TMEM131: variants seen among roughly 807,000 people sequenced by gnomAD.
The protein encoded by TMEM131 is 2610524E03Rik.
TMEM131 carries 66 observed loss-of-function variants against 211.6 expected under a neutral mutation model. That is an observed-to-expected ratio of 0.31 (90% CI 0.26 to 0.38). The LOEUF (loss-of-function observed/expected upper bound fraction) is 0.38. Among genes scored for constraint, TMEM131 ranks in the 10% least tolerant of loss-of-function variants. The probability of loss-of-function intolerance (pLI) is 1.00; values close to 1 mark genes in which losing one functional copy is unlikely to be tolerated. For missense variants in TMEM131, 2,036 were observed against 2,299.3 expected (o/e 0.89, Z 2.34); for synonymous variants, 844 against 841.3 (o/e 1.00, Z -0.06).
intron 3 of TMEM131, among the ~76,000 whole-genome samples, chr2:97,892,417 G>C (rs554230704): frequency 1.9e-4 from 29 of 152,188 alleles, no homozygotes; most frequent in African/African-American, 7.0e-4. Flanking sequence ...AGTGTAGTTA[G>C]TGGTCCAATC....
chr2:97,876,690 T>G (rs896504369), intron 4 of TMEM131, among the ~76,000 whole-genome samples: 52 of 152,154 alleles, frequency 3.4e-4, no homozygotes, highest in African/African-American at 9.2e-4. Context: ...TAGGTATTGA[T>G]GGAACATATC....
At chr2:97,838,109 G>A (rs1838797) in intron 7 of TMEM131, among the ~76,000 whole-genome samples, 2 of 151,920 alleles carry the variant, frequency 1.3e-5, no homozygotes, top group African/African-American at 2.4e-5. Flanking sequence ...CACATTAATG[G>A]GACATTTGAG....
intron 31 of TMEM131, among the ~76,000 whole-genome samples, chr2:97,784,899 A>G (rs1479779469): frequency 6.6e-6 from 1 of 152,142 alleles, no homozygotes; most frequent in Non-Finnish European, 1.5e-5. Context: ...ACTAAAAAAG[A>G]CACAAATTAC....
chr2:97,940,680 C>T (rs1192236141), intron 1 of TMEM131, among the ~76,000 whole-genome samples: 8 of 151,896 alleles, frequency 5.3e-5, no homozygotes, highest in South Asian at 4.2e-4. Flanking sequence ...TGGTGGCAGG[C>T]GCCTGTTAGT....
chr2:97,935,355 GGCTACACA>G (rs951404955), intron 1 of TMEM131, among the ~76,000 whole-genome samples: 3 of 152,122 alleles, frequency 2.0e-5, no homozygotes, highest in Non-Finnish European at 4.4e-5. Context: ...ACCAGGTACA[GGCTACACA>G]GGATCTCTCT....
intron 11 of TMEM131, among the ~76,000 whole-genome samples, chr2:97,824,016 C>A (rs181824978): frequency 6.6e-6 from 1 of 152,272 alleles, no homozygotes; most frequent in East Asian, 1.9e-4. Context: ...CAGAGAAAGG[C>A]CACAGCCTTA....
chr2:97,944,687 G>A (rs543204163), intron 1 of TMEM131, among the ~76,000 whole-genome samples: 2 of 152,080 alleles, frequency 1.3e-5, no homozygotes, highest in East Asian at 1.9e-4. Context: ...ATACATAAAC[G>A]GACAATAATA....
chr2:97,873,768 A>G (rs964742796), intron 4 of TMEM131, among the ~76,000 whole-genome samples: 6 of 152,210 alleles, frequency 3.9e-5, no homozygotes, highest in Admixed American at 2.0e-4. Context: ...ATGGGGATAA[A>G]CCAGCACAAA....
chr2:97,860,162 T>C (rs745884097), intron 4 of TMEM131, among the ~76,000 whole-genome samples: 73 of 152,230 alleles, frequency 4.8e-4, no homozygotes, highest in Admixed American at 1.2e-3. Flanking sequence ...CTAACTTCTA[T>C]AGCTTCCTTG....
chr2:97,815,299 C>T lies in TMEM131; in HGVS notation c.1192G>A (p.Ala398Thr). 1.3e-6 allele frequency: 2 copies of T among 1,560,200 alleles called. No homozygotes were observed. The highest frequency in any genetic ancestry group is 1.7e-6 in the Non-Finnish European group (2 of 1,162,040). ...VASISFDASK[A>T]KKPSQFSGKI... ...CCAGAAAACTGAGATGGCTTTTTTG[C>T]CTTCGATGCTGAAAGGAAGCATAAA... Residue 398 changes from alanine to threonine, a missense_variant, in exon 13 of 41, where the codon GCA becomes ACA. Ala to Thr is a moderately conservative substitution (Grantham distance 58). Transcript: ENST00000186436.
chr2:97,995,553 C>A lies in TMEM131; in HGVS notation c.110G>T (p.Ser37Ile). 7.5e-7 allele frequency: 1 copy of A among 1,325,928 alleles called. No individual in the cohort carries two copies. The highest frequency in any genetic ancestry group is 2.0e-5 in the South Asian group (1 of 48,866). 82.1% of individuals were successfully genotyped at this position (1,325,928 alleles called of 1,614,324 possible). The change falls in exon 1 of 41, where the codon AGC (serine) becomes ATC (isoleucine). Residue 37 changes from serine (S) to isoleucine (I), a missense_variant. This residue lies in a region of TMEM131 where 136 missense variants were observed against 115.4 expected (regional missense o/e 1.18). Transcript: ENST00000186436. ...CGCGCCTAGGAGGCCGGCGGCCGCG[C>A]TCCGCGGGCCCCCGCTACGGGCGGC... is the stretch of plus-strand genomic sequence containing the variant. Reference protein sequence around the residue: ...PAAARSGGPRSAAAGLLGALH... With the variant: ...PAAARSGGPRIAAAGLLGALH...
chr2:97,768,315 T>C (rs1276166161), intron 33 of TMEM131, among the ~76,000 whole-genome samples: 1 of 152,196 alleles, frequency 6.6e-6, no homozygotes, highest in Non-Finnish European at 1.5e-5. Context: ...AAAAAACCCA[T>C]CTTCTAAAAA....
At chr2:97,760,000 C>T (rs1678735833) in intron 38 of TMEM131, 1 of 431,102 alleles carries the variant, frequency 2.3e-6, no homozygotes, top group African/African-American at 2.0e-5. Context: ...TGCAGAGAAA[C>T]AGACATTTTT....
intron 1 of TMEM131, among the ~76,000 whole-genome samples, chr2:97,948,634 A>G (rs546021576): frequency 6.6e-6 from 1 of 151,832 alleles, no homozygotes; most frequent in African/African-American, 2.4e-5. Context: ...ACCACTTTGG[A>G]TAACATGTCA....
At chr2:97,821,862 A>G (rs1372834721) in intron 11 of TMEM131, among the ~76,000 whole-genome samples, 1 of 152,134 alleles carries the variant, frequency 6.6e-6, no homozygotes, top group Non-Finnish European at 1.5e-5. Flanking sequence ...AGTTGGGAGC[A>G]TTGGTTTGCC....
chr2:97,802,458 G>C lies in TMEM131; in HGVS notation c.2621C>G (p.Pro874Arg). Residue 874 changes from proline to arginine, a missense_variant, in exon 24 of 41, where the codon CCT (proline) becomes CGT (arginine). This residue lies in a region of TMEM131 where 1,623 missense variants were observed against 1,805.9 expected (regional missense o/e 0.90). Coordinates refer to ENST00000186436, the MANE Select transcript of TMEM131 (RefSeq NM_015348.2). ...QFIPLALYSN[P>R]SVFVDKLVSR... ...TACTAACTTATCTACAAACACTGAA[G>C]GGTTGGAATATAAAGCCAGAGGAAT... is the stretch of plus-strand genomic sequence containing the variant. 1 of 1,611,100 alleles carries C rather than the reference G, an allele frequency of 6.2e-7. No individual in the cohort carries two copies. The highest frequency in any genetic ancestry group is 8.5e-7 in the Non-Finnish European group (1 of 1,178,866).
intron 35 of TMEM131, 73 bp downstream of exon 35, chr2:97,766,041 A>G: frequency 6.3e-7 from 1 of 1,575,474 alleles, no homozygotes; most frequent in Non-Finnish European, 8.6e-7. Flanking sequence ...CATGCCCCTG[A>G]AGAGTTCCAT....
At chr2:97,814,481 C>CAACAGA in intron 13 of TMEM131, 93 bp from the exon 14 acceptor site, 1 of 1,197,696 alleles carries the variant, frequency 8.3e-7, no homozygotes, top group Non-Finnish European at 1.1e-6. Flanking sequence ...TAATAATTTA[C>CAACAGA]ATTTAGCATT....
intron 5 of TMEM131, among the ~76,000 whole-genome samples, chr2:97,853,700 T>A (rs148288086): frequency 6.6e-6 from 1 of 151,946 alleles, no homozygotes. Flanking sequence ...CCAACCCTTA[T>A]GGATGACTTT....
Sources: allele counts gnomAD v4.1 joint callset (sites outside exome capture counted in the v4.1 genomes callset), GRCh38; gene constraint gnomAD v4.1.1; regional missense constraint gnomAD v4.1.1; transcripts MANE v1.5; gene names NCBI Gene and HGNC (gene_info 2026-07-23, HGNC 2026-07-21).